NPC1: variants seen among roughly 807,000 people sequenced by gnomAD.
NPC1 encodes NPC intracellular cholesterol transporter 1.
NPC1 carries 85 observed loss-of-function variants against 140.4 expected under a neutral mutation model. The ratio of observed to expected loss-of-function variants is 0.61; its 90% CI spans 0.51 to 0.72. NPC1 has a LOEUF of 0.72. Among genes scored for constraint, NPC1 ranks in the 30% least tolerant of loss-of-function variants. NPC1 has a pLI of 0.00. For synonymous variants in NPC1, 656 were observed against 624.8 expected (o/e 1.05, Z -0.74); for missense variants, 1,504 against 1,623.8 (o/e 0.93, Z 1.27).
chr18:23,566,812 C>T (rs1256162642), intron 4 of NPC1, among the ~76,000 whole-genome samples: 1 of 152,212 alleles, frequency 6.6e-6, no homozygotes, highest in African/African-American at 2.4e-5. Flanking sequence ...ATTTTCACCA[C>T]CTAAAAATCT....
chr18:23,512,732 C>G (rs2057895596), intron 3 of NPC1, among the ~76,000 whole-genome samples: 1 of 151,570 alleles, frequency 6.6e-6, no homozygotes, highest in Non-Finnish European at 1.5e-5. Context: ...TGTGTGTGGT[C>G]AAAAATATTT....
In NPC1 at chr18:23,541,150, T is replaced by C. The variant is rs2145381038; in HGVS notation, c.2432A>G (p.Gln811Arg). 6.2e-7 allele frequency: 1 copy of C among 1,614,232 alleles called. No homozygotes were observed. The highest frequency in any genetic ancestry group is 8.5e-7 in the Non-Finnish European group (1 of 1,180,032). ...GCGAAACAAACAGCTCTCTGAGGCC[T>C]GGACGCTTGTTCCATCTTCAGCACC... ...VRGAEDGTSV[Q>R]ASESCLFRFF... The change falls in exon 16 of 25, where the codon CAG becomes CGG. Residue 811 changes from glutamine to arginine, a missense_variant. Coordinates refer to ENST00000269228, the MANE Select transcript of NPC1 (RefSeq NM_000271.5).
rs922553462 is a variant in NPC1, at chr18:23,557,306, C to T, written c.882-116G>A. On this transcript the variant is annotated intron_variant, in intron 6 of 24. Coordinates refer to ENST00000269228, the MANE Select transcript of NPC1 (RefSeq NM_000271.5). Reference sequence around the variant, plus strand: ...CTTCCTCCTCCTGGCCTCCTCCTCCCTAATTACTGCCTTCTTTCCCCTAAG... The same window carrying T: ...CTTCCTCCTCCTGGCCTCCTCCTCCTTAATTACTGCCTTCTTTCCCCTAAG... 20 of 760,636 alleles carry T rather than the reference C, an allele frequency of 2.6e-5. No homozygotes were observed. The East Asian group carries it at 3.2e-4, about 12-fold the overall frequency. 47.1% of individuals were successfully genotyped at this position (760,636 alleles called of 1,614,324 possible). A position where few individuals can be genotyped will look rare whatever the true frequency, so the allele number is the denominator to read the frequency against.
At chr18:23,569,598 C>T (rs750727055) in intron 3 of NPC1, among the ~76,000 whole-genome samples, 3 of 152,108 alleles carry the variant, frequency 2.0e-5, no homozygotes, top group African/African-American at 7.2e-5. Flanking sequence ...CTGGGATTAT[C>T]GACATGAGCG....
intron 10 of NPC1, among the ~76,000 whole-genome samples, chr18:23,550,327 GTA>G (rs2058850508): frequency 6.6e-6 from 1 of 151,622 alleles, no homozygotes; most frequent in African/African-American, 2.4e-5. Flanking sequence ...TTTTTTAACT[GTA>G]TGTTTGTTCT....
At chr18:23,564,941 T>TC (rs1216709393) in intron 4 of NPC1, among the ~76,000 whole-genome samples, 1 of 152,232 alleles carries the variant, frequency 6.6e-6, no homozygotes, top group Non-Finnish European at 1.5e-5. Flanking sequence ...AGTATTCTTT[T>TC]CTCATTGAAT....
chr18:23,527,342 C>T (rs534717034), downstream of NPC1, among the ~76,000 whole-genome samples: 18 of 151,808 alleles, frequency 1.2e-4, no homozygotes, highest in South Asian at 2.5e-3. Context: ...GAGGCTGCAG[C>T]GAGCCGTTTG....
chr18:23,529,309 G>A (rs754095356), downstream of NPC1: 3 of 1,602,762 alleles, frequency 1.9e-6, no homozygotes, highest in Non-Finnish European at 2.5e-6. Context: ...GTGGGCTGCA[G>A]CTTTCCGCCT....
At chr18:23,581,923 G>A (rs1319655681) in intron 1 of NPC1, 1 of 151,758 alleles carries the variant, frequency 6.6e-6, no homozygotes, top group Non-Finnish European at 1.5e-5. Flanking sequence ...CATCAACTAT[G>A]AAGAAGACAG....
chr18:23,538,624 T>C lies in NPC1; in HGVS notation c.2959A>G (p.Lys987Glu). Residue 987 changes from lysine (K) to glutamate (E), a missense_variant, in exon 20 of 25, where the codon AAA becomes GAA. Coordinates refer to ENST00000269228, the MANE Select transcript of NPC1 (RefSeq NM_000271.5). ...VRCRPLTPEG[K>E]QRPQGGDFMR... ...AAGTCTCCCCCCTGAGGCCTCTGTT[T>C]GCCTTCCGGAGTCAGAGGCCTGCAG... is the stretch of plus-strand genomic sequence containing the variant. 2 of 1,614,168 alleles carry C rather than the reference T, an allele frequency of 1.2e-6. No homozygotes were observed. The highest frequency in any genetic ancestry group is 2.7e-5 in the African/African-American group (2 of 75,060).
chr18:23,543,199 C>T (rs935062085), intron 14 of NPC1, among the ~76,000 whole-genome samples: 1 of 151,912 alleles, frequency 6.6e-6, no homozygotes, highest in African/African-American at 2.4e-5. Context: ...CATGGTGGTA[C>T]GTGCCTTTAA....
Position 23,560,475 on chromosome 18 carries a change from G to C in NPC1, c.637C>G (p.Pro213Ala). 1 of 1,614,018 alleles carries C rather than the reference G, an allele frequency of 6.2e-7. No individual in the cohort carries two copies. Among genetic ancestry groups the C allele is most frequent in the East Asian group, 2.2e-5 (1 of 44,886 alleles). The change falls in exon 6 of 25, where the codon CCA becomes GCA. Residue 213 changes from proline (P) to alanine (A), a missense_variant. Transcript: ENST00000269228. The part of the protein sequence containing the change: ...FTITPVFSDF[P>A]VHGMEPMNNA... The stretch of plus-strand genomic sequence containing the variant: ...TTCATGGGCTCCATCCCATGGACTG[G>C]AAAATCTACAGAAAGGAATTGTGTT...
chr18:23,571,104 C>A (rs995989834), intron 3 of NPC1, among the ~76,000 whole-genome samples: 8 of 152,144 alleles, frequency 5.3e-5, no homozygotes, highest in Admixed American at 2.0e-4. Context: ...GTGAGAACAT[C>A]GCAGAGGAAA....
In NPC1 at chr18:23,548,322, ATTC is replaced by A. The variant is rs1370146745; in HGVS notation, c.1655-217_1655-215del. Among the ~76,000 whole-genome samples the A allele has an allele frequency of 4.7e-5, 7 of 150,146 alleles. No individual in the cohort carries two copies. The East Asian group carries it at 9.7e-4, about 21-fold the overall frequency. ...TTTATCTGAGGTAGGCATGGTTATC[ATTC>A]AGGAAGAGTAACTCTTTTTTTTTTT... On this transcript the variant is annotated intron_variant, in intron 10 of 24. Coordinates refer to ENST00000269228, the MANE Select transcript of NPC1 (RefSeq NM_000271.5).
At chr18:23,515,532 A>G (rs1482978255) in intron 3 of NPC1, among the ~76,000 whole-genome samples, 1 of 152,048 alleles carries the variant, frequency 6.6e-6, no homozygotes, top group Non-Finnish European at 1.5e-5. Context: ...GCTGTTATTG[A>G]TTTATTTATT....
intron 3 of NPC1, chr18:23,506,972 T>C (rs2057732123): frequency 6.3e-7 from 1 of 1,594,900 alleles, no homozygotes; most frequent in African/African-American, 1.3e-5. Flanking sequence ...TCTTAAAGAA[T>C]GGATGACAAA....
At chr18:23,556,901 CG>C (rs1485323487) in intron 7 of NPC1, among the ~76,000 whole-genome samples, 1 of 152,226 alleles carries the variant, frequency 6.6e-6, no homozygotes, top group Non-Finnish European at 1.5e-5. Context: ...GCTGCTTTCG[CG>C]CCTCCCCAGC....
intron 1 of NPC1, chr18:23,524,184 A>G: frequency 1.2e-6 from 2 of 1,613,298 alleles, no homozygotes; most frequent in Non-Finnish European, 8.5e-7. Context: ...TGTATCCTTT[A>G]CTAAGGTGTG....
chr18:23,518,730 A>T (rs1284433275), downstream of NPC1, among the ~76,000 whole-genome samples: 1 of 152,184 alleles, frequency 6.6e-6, no homozygotes. Flanking sequence ...TTAACTTTAT[A>T]ATAGGCTTTG....
Sources: gnomAD v4.1 joint callset for allele counts (sites outside exome capture counted in the v4.1 genomes callset) on GRCh38, gnomAD v4.1.1 for gene constraint, MANE v1.5 for transcripts, NCBI Gene and HGNC (gene_info 2026-07-23, HGNC 2026-07-21) for gene names.